REC114: variants seen among roughly 807,000 people sequenced by gnomAD.
REC114 encodes meiotic recombination protein REC114.
A neutral mutation model predicts 31.3 loss-of-function variants in REC114; 27 were observed. That is an observed-to-expected ratio of 0.86 (90% CI 0.64 to 1.19). The LOEUF is 1.19. Among genes scored for constraint, REC114 ranks in the 50% most tolerant of loss-of-function variants. The pLI is 0.00. For synonymous variants in REC114, 134 were observed against 127.7 expected (o/e 1.05, Z -0.33); for missense variants, 344 against 326.9 (o/e 1.05, Z -0.40).
At chr15:73,465,934 C>G (rs1430079672) in intron 1 of REC114, among the ~76,000 whole-genome samples, 3 of 152,148 alleles carry the variant, frequency 2.0e-5, no homozygotes, top group Non-Finnish European at 4.4e-5. Flanking sequence ...TCATTGCAAC[C>G]TCTGCCTTCC....
intron 2 of REC114, among the ~76,000 whole-genome samples, chr15:73,526,046 T>C (rs570102148): frequency 3.6e-4 from 55 of 152,328 alleles, no homozygotes; most frequent in Admixed American, 1.1e-3. Context: ...TGTTACGTTT[T>C]CTTGATTAAT....
intron 2 of REC114, among the ~76,000 whole-genome samples, chr15:73,533,620 C>G (rs1228298486): frequency 3.3e-5 from 5 of 150,876 alleles, no homozygotes; most frequent in African/African-American, 9.8e-5. Flanking sequence ...CAACATTAGA[C>G]AGATCAATGA....
At chr15:73,485,858 C>T (rs1461103403) in intron 2 of REC114, among the ~76,000 whole-genome samples, 2 of 152,214 alleles carry the variant, frequency 1.3e-5, no homozygotes, top group Non-Finnish European at 2.9e-5. Flanking sequence ...CAAAGCTCTT[C>T]ATAACTTTAT....
rs1277218168 is a variant in REC114, at chr15:73,479,440, G to A, written c.249+5519G>A. On this transcript the variant is annotated intron_variant, in intron 2 of 5. Coordinates refer to ENST00000331090, the MANE Select transcript of REC114 (RefSeq NM_001042367.2). ...ACAATTACCATTTTATATATGTATG[G>A]TGAGAATATTTAAGATCTATTCTAG... Among the ~76,000 whole-genome samples the A allele has an allele frequency of 3.3e-5, 5 of 151,868 alleles. No individual in the cohort carries two copies. In the East Asian group the frequency reaches 9.6e-4, roughly 29 times the overall value.
chr15:73,476,254 G>A (rs575758521), intron 2 of REC114, among the ~76,000 whole-genome samples: 1 of 151,920 alleles, frequency 6.6e-6, no homozygotes, highest in African/African-American at 2.4e-5. Context: ...CTTTTATTGA[G>A]GTATAATTTA....
intron 1 of REC114, among the ~76,000 whole-genome samples, chr15:73,463,147 G>A (rs115922612): frequency 0.01 from 1,566 of 152,188 alleles, 25 homozygotes; most frequent in African/African-American, 0.036. Context: ...TTTTAAACAT[G>A]GCCAAAAATT....
intron 4 of REC114, 136 bp from the exon 5 acceptor site, chr15:73,556,166 T>C: frequency 1.4e-6 from 1 of 713,810 alleles, no homozygotes; most frequent in Non-Finnish European, 2.3e-6. Flanking sequence ...GACAGACCTA[T>C]GCTGACAACC....
chr15:73,447,324 A>T (rs1892778522), intron 1 of REC114, among the ~76,000 whole-genome samples: 1 of 152,216 alleles, frequency 6.6e-6, no homozygotes, highest in Admixed American at 6.5e-5. Context: ...TGATATTTAT[A>T]GTCATGGGAT....
chr15:73,471,561 T>C (rs1318709453), intron 1 of REC114, among the ~76,000 whole-genome samples: 2 of 152,038 alleles, frequency 1.3e-5, no homozygotes, highest in African/African-American at 4.8e-5. Flanking sequence ...TACATGGAGA[T>C]GTTGATTGGG....
intron 2 of REC114, among the ~76,000 whole-genome samples, chr15:73,540,225 T>G (rs971465437): frequency 3.3e-5 from 5 of 152,118 alleles, no homozygotes; most frequent in Non-Finnish European, 7.4e-5. Flanking sequence ...CACTTAACTA[T>G]CTTTAGTATT....
At chr15:73,549,722 T>C (rs1347751242) in intron 3 of REC114, among the ~76,000 whole-genome samples, 1 of 152,188 alleles carries the variant, frequency 6.6e-6, no homozygotes, top group Non-Finnish European at 1.5e-5. Context: ...AAGATAATGA[T>C]AATGGATGAC....
chr15:73,513,480 G>C (rs1893807022), intron 2 of REC114, among the ~76,000 whole-genome samples: 1 of 148,970 alleles, frequency 6.7e-6, no homozygotes, highest in Non-Finnish European at 1.5e-5. Context: ...TTGTTCCGTT[G>C]CTGGTGAGGA....
At chr15:73,458,022 G>T (rs1891705837) in intron 1 of REC114, among the ~76,000 whole-genome samples, 1 of 152,148 alleles carries the variant, frequency 6.6e-6, no homozygotes, top group African/African-American at 2.4e-5. Flanking sequence ...GGTGCTTCTT[G>T]AAAATGCAGC....
chr15:73,471,681 T>TTA (rs1893134345), intron 1 of REC114, among the ~76,000 whole-genome samples: 1 of 152,134 alleles, frequency 6.6e-6, no homozygotes, highest in Non-Finnish European at 1.5e-5. Flanking sequence ...ATAGAAATCT[T>TTA]TATAGTGAGT....
chr15:73,506,331 T>C (rs1379672275), intron 2 of REC114, among the ~76,000 whole-genome samples: 1 of 152,214 alleles, frequency 6.6e-6, no homozygotes, highest in Admixed American at 6.5e-5. Flanking sequence ...CTGCTTTTAA[T>C]GTCACTTAGT....
In REC114 at chr15:73,559,792, A is replaced by G; in HGVS notation, c.677A>G (p.Gln226Arg). 1 of 1,608,918 alleles carries G rather than the reference A, an allele frequency of 6.2e-7. No homozygotes were observed. Among genetic ancestry groups the G allele is most frequent in the Admixed American group, 1.7e-5 (1 of 58,292 alleles). ...ASEELPHVYE[Q>R]SAWGAEELGP... ...GAGGAGCTGCCCCATGTCTATGAAC[A>G]ATCTGCATGGGGTGCAGAAGAGTTA... The change falls in exon 6 of 6, where the codon CAA becomes CGA. Residue 226 changes from glutamine to arginine, a missense_variant. Gln to Arg is a conservative substitution (Grantham distance 43). Coordinates refer to ENST00000331090, the MANE Select transcript of REC114 (RefSeq NM_001042367.2).
chr15:73,559,768 A>G lies in REC114; in HGVS notation c.653A>G (p.Glu218Gly). Residue 218 changes from glutamate (E) to glycine (G), a missense_variant, in exon 6 of 6, where the codon GAG (glutamate) becomes GGG (glycine). By Grantham distance (98) the Glu-to-Gly change is moderately conservative. Coordinates refer to ENST00000331090, the MANE Select transcript of REC114 (RefSeq NM_001042367.2). Reference sequence around the variant, plus strand: ...TCCCTGCAGACTCTTCTGGCATCGGAGGAGCTGCCCCATGTCTATGAACAA... The same window carrying G: ...TCCCTGCAGACTCTTCTGGCATCGGGGGAGCTGCCCCATGTCTATGAACAA... ...TQLAQTLLAS[E>G]ELPHVYEQSA... 1 of 1,570,576 alleles carries G rather than the reference A, an allele frequency of 6.4e-7. No homozygotes were observed. Among genetic ancestry groups the G allele is most frequent in the East Asian group, 2.4e-5 (1 of 42,198 alleles).
At chr15:73,558,960 T>C (rs1053903459) in intron 5 of REC114, among the ~76,000 whole-genome samples, 1 of 152,236 alleles carries the variant, frequency 6.6e-6, no homozygotes, top group African/African-American at 2.4e-5. Flanking sequence ...GTAATACTTA[T>C]TCAGCAATAA....
At chr15:73,466,362 G>T (rs1893059355) in intron 1 of REC114, among the ~76,000 whole-genome samples, 1 of 151,924 alleles carries the variant, frequency 6.6e-6, no homozygotes, top group Non-Finnish European at 1.5e-5. Context: ...AGACCAGCCT[G>T]GCCAACATGG....
Sources: allele counts gnomAD v4.1 joint callset (sites outside exome capture counted in the v4.1 genomes callset), GRCh38; gene constraint gnomAD v4.1.1; transcripts MANE v1.5; gene names NCBI Gene and HGNC (gene_info 2026-07-23, HGNC 2026-07-21).